The following RARA variants were observed in gnomAD, a reference collection of about 807,000 sequenced individuals.
RARA encodes the protein PML-DDX5-RARA fusion.
RARA carries 5 observed loss-of-function variants against 42.8 expected under a neutral mutation model. The ratio of observed to expected loss-of-function variants is 0.12; its 90% CI spans 0.06 to 0.25. The LOEUF is 0.25. RARA is among the 10% of genes least tolerant of loss of function. The pLI is 1.00. For synonymous variants in RARA, 256 were observed against 259.5 expected, an observed-to-expected ratio of 0.99 and a Z score of 0.13; for missense variants, 402 against 628.7, an observed-to-expected ratio of 0.64 and a Z score of 3.86.
At chr17:40,332,747 C>T (rs2033734439) in intron 2 of RARA, among the ~76,000 whole-genome samples, 1 of 152,242 alleles carries the variant, frequency 6.6e-6, no homozygotes, top group Non-Finnish European at 1.5e-5. Flanking sequence ...CAGGTGCTGC[C>T]TCAGTTTCTC....
intron 1 of RARA, among the ~76,000 whole-genome samples, chr17:40,322,194 C>T (rs1753918650): frequency 6.6e-6 from 1 of 151,896 alleles, no homozygotes; most frequent in Admixed American, 6.6e-5. Context: ...TCCATTCCCC[C>T]ACCTTCAGCC....
chr17:40,346,912 C>T (rs1056810074), intron 2 of RARA, among the ~76,000 whole-genome samples: 4 of 152,182 alleles, frequency 2.6e-5, no homozygotes, highest in African/African-American at 9.7e-5. Flanking sequence ...GGTGCCCAGG[C>T]ACTACTAAGA....
At position 40,356,228 on chromosome 17, in the gene RARA, C is replaced by T. The variant is rs2229773; in HGVS notation, c.*2C>T. ...AGCCCGGCCACCCACTCCCCGTGAC[C>T]GCCCACGCCACATGGACACAGCCCT... On this transcript the variant is annotated 3_prime_UTR_variant, in exon 9 of 9. Coordinates refer to ENST00000254066, the MANE Select transcript of RARA (RefSeq NM_000964.4). 31,309 of 1,549,578 alleles carry T rather than the reference C, an allele frequency of 0.02. 367 individuals carry two copies. Among genetic ancestry groups the T allele is most frequent in the Non-Finnish European group, 0.024 (27,354 of 1,146,618 alleles).
At chr17:40,346,589 G>A (rs1046848971) in intron 2 of RARA, among the ~76,000 whole-genome samples, 5 of 151,968 alleles carry the variant, frequency 3.3e-5, no homozygotes, top group Admixed American at 6.6e-5. Flanking sequence ...ACAAAGGGCT[G>A]CTTTGTGGCT....
At position 40,357,072 on chromosome 17, in the gene RARA, C is replaced by A; in HGVS notation, c.*846C>A. ...ACCACTGGGTGTGGACGGTGTGGGG[C>A]AGCCCTGAAAGGACAGGCTCCTGGC... On this transcript the variant is annotated 3_prime_UTR_variant, in exon 9 of 9. Transcript: ENST00000254066. 1 of 346,144 alleles carries A rather than the reference C, an allele frequency of 2.9e-6. No individual in the cohort carries two copies. Among genetic ancestry groups the A allele is most frequent in the East Asian group, 5.3e-5 (1 of 18,962 alleles). The allele number at this position is 346,144 out of a possible 1,614,324, so 21.4% of individuals were successfully genotyped here. A position where few individuals can be genotyped will look rare whatever the true frequency, so the allele number is the denominator to read the frequency against.
chr17:40,349,600 C>A, intron 3 of RARA, 184 bp from the exon 4 acceptor site: 1 of 684,982 alleles, frequency 1.5e-6, no homozygotes, highest in Non-Finnish European at 2.4e-6. Context: ...TACTGGGATT[C>A]TCCTGAGGAG....
Position 40,352,142 on chromosome 17 carries a change from C to T in RARA, c.630+72C>T. 2 of 1,472,678 alleles carry T rather than the reference C, an allele frequency of 1.4e-6. No individual in the cohort carries two copies. The highest frequency in any genetic ancestry group is 1.8e-6 in the Non-Finnish European group (2 of 1,115,442). The allele number at this position is 1,472,678 out of a possible 1,614,324, so 91.2% of individuals were successfully genotyped here. ...AGGGCCAGGATGGGCCCCTCTCAGG[C>T]ACCCCTTCTTGTGCCAGGCAAGATC... On this transcript the variant is annotated intron_variant, in intron 5 of 8. Transcript: ENST00000254066. This position sits in a 1 kb window ranked among gnomAD's most constrained non-coding sequence, Gnocchi z 4.9.
At chr17:40,333,222 G>A (rs1302762913) in intron 2 of RARA, among the ~76,000 whole-genome samples, 1 of 152,048 alleles carries the variant, frequency 6.6e-6, no homozygotes, top group Non-Finnish European at 1.5e-5. Flanking sequence ...GCTACTTTTG[G>A]TATTTTTAGT....
chr17:40,343,727 A>T (rs2143409857), intron 2 of RARA, among the ~76,000 whole-genome samples: 1 of 152,056 alleles, frequency 6.6e-6, no homozygotes, highest in South Asian at 2.1e-4. Flanking sequence ...ACTTGGGGAT[A>T]GGGCCAGGTC....
intron 2 of RARA, among the ~76,000 whole-genome samples, chr17:40,335,482 G>A (rs1220342031): frequency 2.0e-5 from 3 of 151,930 alleles, no homozygotes; most frequent in Non-Finnish European, 4.4e-5. Context: ...CTGAGGTCAG[G>A]AGTTTGAGAC....
rs2033695912 is a variant in RARA, at chr17:40,331,607, G to C, written c.178+211G>C. On this transcript the variant is annotated intron_variant, in intron 2 of 8. Coordinates refer to ENST00000254066, the MANE Select transcript of RARA (RefSeq NM_000964.4). ...CATGGTGGTTGTGTTTGAAGTTGGG[G>C]GTGGCAGAGGGGGAGATGAAACCAT... Among the ~76,000 whole-genome samples, 3 of 152,158 alleles carry C rather than the reference G, an allele frequency of 2.0e-5. No homozygotes were observed. The South Asian group carries it at 6.2e-4, about 31-fold the overall frequency.
In RARA at chr17:40,322,435, C is replaced by T. The variant is rs114662706; in HGVS notation, c.-362-8422C>T. ...CTGGGTCCTCTGGCTGTTCCCTCTC[C>T]CCACAGAGTTACTTGAGGTCAGGCA... is the stretch of plus-strand genomic sequence containing the variant. On this transcript the variant is annotated intron_variant, in intron 1 of 8. Transcript: ENST00000254066. 3.1e-3 allele frequency among the ~76,000 whole-genome samples: 473 copies of T among 152,138 alleles called. 4 individuals carry two copies. The highest frequency in any genetic ancestry group is 0.011 in the African/African-American group (446 of 41,466).
intron 1 of RARA, chr17:40,323,193 C>CTACTCAGTGCCCAA (rs2033440246): frequency 6.6e-6 from 1 of 152,242 alleles, no homozygotes; most frequent in Non-Finnish European, 1.5e-5. Flanking sequence ...TCACTGCCAC[C>CTACTCAGTGCCCAA]TACTCAGACT....
Position 40,320,016 on chromosome 17 carries a change from C to T in RARA, c.-363+10730C>T, listed in dbSNP as rs1427576375. Among the ~76,000 whole-genome samples, 1 of 151,986 alleles carries T rather than the reference C, an allele frequency of 6.6e-6. No homozygotes were observed. Among genetic ancestry groups the T allele is most frequent in the Non-Finnish European group, 1.5e-5 (1 of 68,000 alleles). On this transcript the variant is annotated intron_variant, in intron 1 of 8. Coordinates refer to ENST00000254066, the MANE Select transcript of RARA (RefSeq NM_000964.4). The surrounding 1 kb of genome is among the most constrained non-coding windows in gnomAD (Gnocchi z 4.1). ...CCTGGGAGTCTGGACCATGTGGTGT[C>T]CTGAAAGAGAGGTCAGGAGGGTCAG...
chr17:40,346,300 C>A (rs761782814), intron 2 of RARA, among the ~76,000 whole-genome samples: 15 of 152,052 alleles, frequency 9.9e-5, no homozygotes, highest in Non-Finnish European at 1.6e-4. Flanking sequence ...CGTGACATCC[C>A]GCTCTGTACC....
rs145650856 is a variant in RARA at position 40,312,828 on chromosome 17, A to G, written c.-363+3542A>G. Among the ~76,000 whole-genome samples, 389 of 152,252 alleles carry G rather than the reference A, an allele frequency of 2.6e-3. 3 individuals are homozygous for G. The highest frequency in any genetic ancestry group is 8.9e-3 in the African/African-American group (371 of 41,534). ...AAACTGAGGCCTAGAGAGAACACTC[A>G]ATCAGTCATTGGCTGTGTTGAGACC... On this transcript the variant is annotated intron_variant, in intron 1 of 8. Coordinates refer to ENST00000254066, the MANE Select transcript of RARA (RefSeq NM_000964.4).
At position 40,353,605 on chromosome 17, in the gene RARA, C is replaced by T. The variant is rs184589931; in HGVS notation, c.808-697C>T. Among the ~76,000 whole-genome samples, 207 of 152,194 alleles carry T rather than the reference C, an allele frequency of 1.4e-3. 2 individuals carry two copies. The highest frequency in any genetic ancestry group is 2.5e-3 in the Non-Finnish European group (169 of 68,012). ...CTGAGTAGCTGGGATTACAGGCACCCGCCACCACACCCGGCTAATTTTTGT... is the reference window on the plus strand; with the variant it reads ...CTGAGTAGCTGGGATTACAGGCACCTGCCACCACACCCGGCTAATTTTTGT... On this transcript the variant is annotated intron_variant, in intron 6 of 8. Coordinates refer to ENST00000254066, the MANE Select transcript of RARA (RefSeq NM_000964.4).
chr17:40,341,745 C>T (rs2034054637), intron 2 of RARA: 2 of 1,291,906 alleles, frequency 1.5e-6, no homozygotes, highest in East Asian at 6.3e-5. Flanking sequence ...GGACCACCCC[C>T]CTCTTCCCCG....
rs1227325058 is a variant in RARA, at chr17:40,330,968, A to G, written c.-251A>G. ...ACCTTCCCAGGAAAAGTGCCAGCTCACAGAACTGCTTGACCAAAGGACCGG... is the reference window on the plus strand; with the variant it reads ...ACCTTCCCAGGAAAAGTGCCAGCTCGCAGAACTGCTTGACCAAAGGACCGG... On this transcript the variant is annotated 5_prime_UTR_variant, in exon 2 of 9. Transcript: ENST00000254066. The G allele has an allele frequency of 6.5e-6, 3 of 461,132 alleles. No homozygotes were observed. Among genetic ancestry groups the G allele is most frequent in the African/African-American group, 6.1e-5 (3 of 49,576 alleles). 28.6% of individuals were successfully genotyped at this position (461,132 alleles called of 1,614,324 possible).
Sources: gnomAD v4.1 joint callset for allele counts (sites outside exome capture counted in the v4.1 genomes callset) on GRCh38, gnomAD v4.1.1 for gene constraint, Gnocchi (gnomAD v3.1) non-coding constraint, MANE v1.5 for transcripts, NCBI Gene and HGNC (gene_info 2026-07-23, HGNC 2026-07-21) for gene names.